The following ABHD18 variants were observed in gnomAD, a reference collection of about 807,000 sequenced individuals.
The protein encoded by ABHD18 is cardiolipin-specific deacylase, mitochondrial.
ABHD18 carries 55 observed loss-of-function variants against 65.9 expected under a neutral mutation model. That is an observed-to-expected ratio of 0.84 (90% CI 0.67 to 1.05). The LOEUF is 1.05. Among genes scored for constraint, ABHD18 ranks in the 50% least tolerant of loss-of-function variants. The pLI is 0.00. For missense variants in ABHD18, 533 were observed against 558.5 expected, an observed-to-expected ratio of 0.95 and a Z score of 0.46; for synonymous variants, 181 against 180.2, an observed-to-expected ratio of 1.00 and a Z score of -0.04.
chr4:128,028,633 A>G lies in ABHD18; in HGVS notation c.960A>G (p.Thr320=), dbSNP rs1757733193. 1 of 1,613,926 alleles carries G rather than the reference A, an allele frequency of 6.2e-7. No homozygotes were observed. The highest frequency in any genetic ancestry group is 1.1e-5 in the South Asian group (1 of 91,076). ...KPADCHNSSK[T]SVSATSEGLL... ...CTGACTGCCATAATTCTAGCAAAACATCTGTCAGTGCGACATCAGAAGGAC... is the reference window on the plus strand; with the variant it reads ...CTGACTGCCATAATTCTAGCAAAACGTCTGTCAGTGCGACATCAGAAGGAC... Residue 320 remains threonine (T), a synonymous_variant, in exon 11 of 13, where the codon ACA becomes ACG. Transcript: ENST00000645843.
chr4:128,018,986 C>T (rs1004550186), intron 8 of ABHD18, among the ~76,000 whole-genome samples: 5 of 140,044 alleles, frequency 3.6e-5, no homozygotes, highest in African/African-American at 1.1e-4. Flanking sequence ...TGCACTCTAG[C>T]GTGAGCAACA....
Position 128,038,978 on chromosome 4 carries a change from A to G in ABHD18, c.*3165A>G, listed in dbSNP as rs1022944601. On this transcript the variant is annotated 3_prime_UTR_variant, in exon 13 of 13. Transcript: ENST00000645843. ...TTCAAAGTGCAAAATAACTTTTCTT[A>G]GGATTTTTTAATCTATTCCCCCCAA... 1 of 151,636 alleles carries G rather than the reference A, an allele frequency of 6.6e-6. No individual in the cohort carries two copies. Among genetic ancestry groups the G allele is most frequent in the African/African-American group, 2.4e-5 (1 of 41,284 alleles). The allele number at this position is 151,636 out of a possible 1,614,324, so 9.4% of individuals were successfully genotyped here. A position where few individuals can be genotyped will look rare whatever the true frequency, so the allele number is the denominator to read the frequency against.
chr4:128,002,117 A>G (rs1752746912), intron 4 of ABHD18, among the ~76,000 whole-genome samples: 1 of 152,028 alleles, frequency 6.6e-6, no homozygotes, highest in South Asian at 2.1e-4. Flanking sequence ...TCTACTAAAA[A>G]TGCAAAAATT....
At chr4:128,003,199 T>G (rs1752982138) in intron 4 of ABHD18, among the ~76,000 whole-genome samples, 1 of 151,636 alleles carries the variant, frequency 6.6e-6, no homozygotes. Flanking sequence ...AAACCCCATC[T>G]CTACTATAAA....
chr4:128,030,908 G>A, intron 12 of ABHD18: 1 of 1,195,210 alleles, frequency 8.4e-7, no homozygotes. Context: ...TTATCGTGTG[G>A]CTTTCCCCTC....
chr4:127,998,877 C>T (rs970075459), intron 4 of ABHD18, among the ~76,000 whole-genome samples: 12 of 152,030 alleles, frequency 7.9e-5, no homozygotes, highest in African/African-American at 4.8e-5. Flanking sequence ...TGGTACTTTA[C>T]GTACTTAGGA....
chr4:128,017,440 A>T lies in ABHD18; in HGVS notation c.548A>T (p.His183Leu). The T allele has an allele frequency of 6.2e-7, 1 of 1,613,044 alleles. No individual in the cohort carries two copies. The highest frequency in any genetic ancestry group is 8.5e-7 in the Non-Finnish European group (1 of 1,179,132). ...ALVLESAALL[H>L]WLEREGYGPL... The stretch of plus-strand genomic sequence containing the variant: ...GTTTTAGAATCTGCAGCTCTCTTGC[A>T]CTGGCTAGAGAGGGAAGGTTACGGC... Residue 183 changes from histidine to leucine, a missense_variant, in exon 8 of 13, where the codon CAC becomes CTC. His to Leu is a moderately conservative substitution (Grantham distance 99). Around this residue, in one of 3 missense-constraint regions of ABHD18, gnomAD observed 309 missense variants for 313.5 expected, o/e 0.99. Coordinates refer to ENST00000645843, the MANE Select transcript of ABHD18 (RefSeq NM_001358451.3).
At chr4:127,977,119 A>T (rs1748082604) in intron 1 of ABHD18, among the ~76,000 whole-genome samples, 1 of 152,088 alleles carries the variant, frequency 6.6e-6, no homozygotes, top group Admixed American at 6.6e-5. Flanking sequence ...TCTCCCAATT[A>T]GGTATATTAT....
intron 4 of ABHD18, among the ~76,000 whole-genome samples, chr4:128,008,353 C>G (rs1365972998): frequency 3.5e-5 from 5 of 141,730 alleles, no homozygotes; most frequent in Non-Finnish European, 7.5e-5. Context: ...CTCACTGCAA[C>G]CTCTGCCTCC....
chr4:127,972,460 G>A (rs1450568512), intron 1 of ABHD18, among the ~76,000 whole-genome samples: 2 of 146,284 alleles, frequency 1.4e-5, no homozygotes, highest in East Asian at 2.1e-4. Flanking sequence ...CATCACTTAA[G>A]AAATACCAGG....
chr4:128,031,952 A>T (rs1758278382), intron 12 of ABHD18, among the ~76,000 whole-genome samples: 1 of 152,210 alleles, frequency 6.6e-6, no homozygotes, highest in South Asian at 2.1e-4. Flanking sequence ...GGTTGCTAGG[A>T]TTGCTTAAGA....
At chr4:128,018,752 A>G (rs1262107503) in intron 8 of ABHD18, among the ~76,000 whole-genome samples, 1 of 152,040 alleles carries the variant, frequency 6.6e-6, no homozygotes. Context: ...GGTGGTTCAC[A>G]CCTGTAATCC....
intron 7 of ABHD18, among the ~76,000 whole-genome samples, chr4:128,016,173 CTA>C (rs1211841199): frequency 6.6e-6 from 1 of 151,804 alleles, no homozygotes; most frequent in Non-Finnish European, 1.5e-5. Context: ...AGGCTGGTCT[CTA>C]ACTCCTGACC....
chr4:127,984,356 A>G lies in ABHD18; in HGVS notation c.110A>G (p.Lys37Arg), dbSNP rs1749597255. The change falls in exon 3 of 13, where the codon AAG becomes AGG. Residue 37 changes from lysine (K) to arginine (R), a missense_variant. Lys to Arg is a conservative substitution (Grantham distance 26). Coordinates refer to ENST00000645843, the MANE Select transcript of ABHD18 (RefSeq NM_001358451.3). ...CATAATAGACTCTTTGAATTCAGAAAGATGATTGGAAATCGGGAAAGATGC... is the reference window on the plus strand; with the variant it reads ...CATAATAGACTCTTTGAATTCAGAAGGATGATTGGAAATCGGGAAAGATGC... ...EDLKRLFEFR[K>R]MIGNRERCQN... 1 of 1,549,872 alleles carries G rather than the reference A, an allele frequency of 6.5e-7. No homozygotes were observed. The highest frequency in any genetic ancestry group is 1.4e-5 in the African/African-American group (1 of 73,082).
intron 10 of ABHD18, among the ~76,000 whole-genome samples, chr4:128,024,555 T>A (rs1757049194): frequency 6.6e-6 from 1 of 152,244 alleles, no homozygotes. Flanking sequence ...TTCAATTTAT[T>A]GATGTCCCAC....
rs568611329 is a variant in ABHD18 at position 128,028,802 on chromosome 4, A to G, written c.1129A>G (p.Ile377Val). 29 of 1,602,368 alleles carry G rather than the reference A, an allele frequency of 1.8e-5. No homozygotes were observed. In the South Asian group the frequency reaches 3.1e-4, roughly 17 times the overall value. The change falls in exon 11 of 13, where the codon ATA becomes GTA. Residue 377 changes from isoleucine (I) to valine (V), a missense_variant. Ile to Val is a conservative substitution (Grantham distance 29). Transcript: ENST00000645843. ...AAACAGTCTTCGGAAAGAGTCTTTA[A>G]TATTTATGAAAGGAGTCATGGATGA... is the stretch of plus-strand genomic sequence containing the variant. ...SRNSLRKESL[I>V]FMKGVMDECT...
chr4:127,996,958 G>T (rs1292363500), intron 4 of ABHD18, among the ~76,000 whole-genome samples: 2 of 152,100 alleles, frequency 1.3e-5, no homozygotes, highest in Non-Finnish European at 2.9e-5. Flanking sequence ...ATTTCATATT[G>T]TGCAAACACA....
At chr4:128,001,655 G>T in intron 4 of ABHD18, 4 of 1,496,800 alleles carry the variant, frequency 2.7e-6, no homozygotes, top group South Asian at 1.3e-5. Context: ...TGCAATTCTT[G>T]GTTCAAAATA....
intron 12 of ABHD18, among the ~76,000 whole-genome samples, chr4:128,033,838 A>C (rs1284262209): frequency 6.6e-6 from 1 of 150,528 alleles, no homozygotes; most frequent in Non-Finnish European, 1.5e-5. Flanking sequence ...ACCCGGCTAA[A>C]GACAGTCTTA....
Sources: gnomAD v4.1 joint callset for allele counts (sites outside exome capture counted in the v4.1 genomes callset) on GRCh38, gnomAD v4.1.1 for gene constraint, gnomAD v4.1.1 regional missense constraint, MANE v1.5 for transcripts, NCBI Gene and HGNC (gene_info 2026-07-23, HGNC 2026-07-21) for gene names.